The following ADGRL2 variants were observed in gnomAD, a reference collection of about 807,000 sequenced individuals.
ADGRL2 encodes the protein adhesion G protein-coupled receptor L2.
A neutral mutation model predicts 157.4 loss-of-function variants in ADGRL2; 44 were observed. The ratio of observed to expected loss-of-function variants is 0.28; its 90% confidence interval spans 0.22 to 0.36. The LOEUF is 0.36. ADGRL2 is among the 10% of genes least tolerant of loss of function. The pLI is 1.00. For missense variants in ADGRL2, 1,510 were observed against 1,768.9 expected (o/e 0.85, Z 2.63); for synonymous variants, 585 against 624.7 (o/e 0.94, Z 0.95).
chr1:81,863,905 A>T (rs1339762368), intron 2 of ADGRL2, among the ~76,000 whole-genome samples: 1 of 152,198 alleles, frequency 6.6e-6, no homozygotes, highest in East Asian at 1.9e-4. Flanking sequence ...TAATCTGAAG[A>T]GCAGTAGATA....
intron 1 of ADGRL2, among the ~76,000 whole-genome samples, chr1:81,405,455 C>T (rs892315236): frequency 6.6e-6 from 1 of 151,734 alleles, no homozygotes; most frequent in Non-Finnish European, 1.5e-5. Flanking sequence ...ATTGCGTGAG[C>T]CCAGGAGTTC....
chr1:81,589,475 C>T (rs1389729542), intron 3 of ADGRL2, among the ~76,000 whole-genome samples: 1 of 152,162 alleles, frequency 6.6e-6, no homozygotes, highest in Non-Finnish European at 1.5e-5. Context: ...ACAATAACCA[C>T]ATATCTTGTA....
At chr1:81,445,311 G>T (rs1238759376) in intron 2 of ADGRL2, among the ~76,000 whole-genome samples, 1 of 152,196 alleles carries the variant, frequency 6.6e-6, no homozygotes, top group Non-Finnish European at 1.5e-5. Flanking sequence ...GTTATTCGTT[G>T]TATGTTGCTT....
At chr1:81,499,692 C>T (rs1484115800) in intron 2 of ADGRL2, among the ~76,000 whole-genome samples, 1 of 152,100 alleles carries the variant, frequency 6.6e-6, no homozygotes, top group Admixed American at 6.5e-5. Context: ...ATATTGATTC[C>T]ACTACTAGCA....
intron 2 of ADGRL2, among the ~76,000 whole-genome samples, chr1:81,471,809 A>G (rs2078178561): frequency 6.6e-6 from 1 of 152,232 alleles, no homozygotes; most frequent in African/African-American, 2.4e-5. Context: ...CATTTTAAAG[A>G]TAGTATCTTA....
At chr1:81,656,610 AT>A (rs2082538511) in intron 3 of ADGRL2, among the ~76,000 whole-genome samples, 1 of 152,050 alleles carries the variant, frequency 6.6e-6, no homozygotes, top group South Asian at 2.1e-4. Context: ...TGCTATCTAC[AT>A]TTTCCCAAAA....
chr1:81,406,602 C>T (rs573521360), intron 1 of ADGRL2, among the ~76,000 whole-genome samples: 64 of 152,320 alleles, frequency 4.2e-4, no homozygotes, highest in African/African-American at 1.5e-3. Flanking sequence ...GCTTCCCTAA[C>T]TCTCTTCACT....
At chr1:81,420,293 T>C (rs910702157) in intron 1 of ADGRL2, among the ~76,000 whole-genome samples, 4 of 152,346 alleles carry the variant, frequency 2.6e-5, no homozygotes, top group Middle Eastern at 3.4e-3. Flanking sequence ...TTGATGTCTG[T>C]CTTTTACACT....
Position 81,427,345 on chromosome 1 carries a change from C to A in ADGRL2, c.-301-17691C>A, listed in dbSNP as rs897749015. On this transcript the variant is annotated intron_variant, in intron 1 of 24. Coordinates refer to the ADGRL2 transcript ENST00000370721. Reference sequence around the variant, plus strand: ...GTCCTGGTTATAGTAGTAGAGGGGGCTATGGTGGTGGCGGACCAGGATATG... The same window carrying A: ...GTCCTGGTTATAGTAGTAGAGGGGGATATGGTGGTGGCGGACCAGGATATG... 3 of 729,094 alleles carry A rather than the reference C, an allele frequency of 4.1e-6. No homozygotes were observed. The African/African-American group carries it at 5.1e-5, about 13-fold the overall frequency. The allele number at this position is 729,094 out of a possible 1,614,324, so 45.2% of individuals were successfully genotyped here. A position where few individuals can be genotyped will look rare whatever the true frequency, so the allele number is the denominator to read the frequency against.
intron 2 of ADGRL2, among the ~76,000 whole-genome samples, chr1:81,839,965 AC>A (rs2092497664): frequency 8.8e-6 from 1 of 113,722 alleles, no homozygotes; most frequent in African/African-American, 2.9e-5. Context: ...AATACACACA[AC>A]ACACACATCA....
intron 1 of ADGRL2, among the ~76,000 whole-genome samples, chr1:81,378,496 A>C (rs1448267869): frequency 6.7e-6 from 1 of 148,962 alleles, no homozygotes; most frequent in African/African-American, 2.5e-5. Context: ...GGAGTTCCAG[A>C]CTGCAGTGAG....
intron 2 of ADGRL2, among the ~76,000 whole-genome samples, chr1:81,491,691 T>C (rs1392432335): frequency 6.6e-6 from 1 of 152,172 alleles, no homozygotes; most frequent in Non-Finnish European, 1.5e-5. Context: ...GAAAAGGTGC[T>C]AAAAGAAAAC....
At chr1:81,531,804 C>T (rs1428626470) in intron 2 of ADGRL2, among the ~76,000 whole-genome samples, 2 of 152,260 alleles carry the variant, frequency 1.3e-5, no homozygotes, top group East Asian at 1.9e-4. Context: ...ATTCCTGAAA[C>T]CAACTCCAAG....
chr1:81,830,475 A>G (rs1443114918), intron 1 of ADGRL2, among the ~76,000 whole-genome samples: 1 of 152,126 alleles, frequency 6.6e-6, no homozygotes, highest in Non-Finnish European at 1.5e-5. Context: ...CTTACTGTGT[A>G]TTCTTTATAG....
At position 81,991,194 on chromosome 1, in the gene ADGRL2, A is replaced by C. The variant is rs761243663; in HGVS notation, c.*49A>C. 6.6e-7 allele frequency: 1 copy of C among 1,521,122 alleles called. No individual in the cohort carries two copies. The highest frequency in any genetic ancestry group is 1.9e-5 in the Admixed American group (1 of 51,870). The allele number at this position is 1,521,122 out of a possible 1,614,324, so 94.2% of individuals were successfully genotyped here. On this transcript the variant is annotated 3_prime_UTR_variant, in exon 24 of 24. Coordinates refer to ENST00000686636, the MANE Select transcript of ADGRL2 (RefSeq NM_001366006.2). Reference sequence around the variant, plus strand: ...GGCCACATGCGAGTATTAATAAATAAAGACACCATTGGCCTGACGCAGCTC... The same window carrying C: ...GGCCACATGCGAGTATTAATAAATACAGACACCATTGGCCTGACGCAGCTC...
intron 1 of ADGRL2, among the ~76,000 whole-genome samples, chr1:81,737,027 G>T (rs1437175001): frequency 6.6e-6 from 1 of 151,986 alleles, no homozygotes. Context: ...GTAGAGGTGG[G>T]GTTTCACCAT....
intron 2 of ADGRL2, among the ~76,000 whole-genome samples, chr1:81,902,231 A>T (rs1373007829): frequency 2.0e-5 from 3 of 152,204 alleles, no homozygotes; most frequent in African/African-American, 7.2e-5. Context: ...CAGGGTTCTT[A>T]TTATGCAGAT....
At chr1:81,427,554 A>G (rs767835033) in intron 1 of ADGRL2, 24 of 745,036 alleles carry the variant, frequency 3.2e-5, no homozygotes, top group Non-Finnish European at 5.7e-5. Flanking sequence ...GCTCATCCCT[A>G]TGATGGTGGT....
chr1:81,477,792 G>GT (rs1307517795), intron 2 of ADGRL2, among the ~76,000 whole-genome samples: 1 of 152,146 alleles, frequency 6.6e-6, no homozygotes, highest in East Asian at 1.9e-4. Flanking sequence ...AGAAGAAAGT[G>GT]TTTTTTATTT....
Sources: allele counts gnomAD v4.1 joint callset (sites outside exome capture counted in the v4.1 genomes callset), GRCh38; gene constraint gnomAD v4.1.1; transcripts MANE v1.5; gene names NCBI Gene and HGNC (gene_info 2026-07-23, HGNC 2026-07-21).